SLC25A20: variants seen among roughly 807,000 people sequenced by gnomAD.
SLC25A20 encodes the protein mitochondrial carnitine/acylcarnitine carrier protein.
A neutral mutation model predicts 39.7 loss-of-function variants in SLC25A20; 29 were observed. The observed-to-expected ratio is 0.73, with a 90% CI of 0.54 to 1.00. The LOEUF is 1.00. SLC25A20 is among the 50% of genes least tolerant of loss of function. The pLI, the probability that SLC25A20 is intolerant of heterozygous loss-of-function variation, is 0.00. For synonymous variants in SLC25A20, 103 were observed against 142.2 expected (o/e 0.72, Z 1.96); for missense variants, 333 against 379.9 (o/e 0.88, Z 1.03).
chr3:48,888,604 A>G (rs1351296593), intron 2 of SLC25A20, among the ~76,000 whole-genome samples: 3 of 151,122 alleles, frequency 2.0e-5, no homozygotes, highest in South Asian at 2.1e-4. Context: ...TAAATAAATA[A>G]ATAAATAAAT....
chr3:48,859,095 T>C lies in SLC25A20; in HGVS notation c.715A>G (p.Thr239Ala), dbSNP rs143961330. 8.7e-6 allele frequency: 14 copies of C among 1,612,774 alleles called. No individual in the cohort carries two copies. Among genetic ancestry groups the C allele is most frequent in the Non-Finnish European group, 1.2e-5 (14 of 1,179,088 alleles). Residue 239 changes from threonine (T) to alanine (A), a missense_variant, in exon 7 of 9, where the codon ACT becomes GCT. Transcript: ENST00000319017. Reference protein sequence around the residue: ...PPDVLKSRFQTAPPGKYPNGF... With the variant: ...PPDVLKSRFQAAPPGKYPNGF... ...CACCCCACTACCTTCCACTCACCAG[T>C]CTGGAATCGAGACTTGAGCACATCT...
At chr3:48,894,296 T>G (rs2083898146) in intron 1 of SLC25A20, among the ~76,000 whole-genome samples, 1 of 149,190 alleles carries the variant, frequency 6.7e-6, no homozygotes. Flanking sequence ...GGCAGAGTCT[T>G]GCTCTGTCAC....
chr3:48,893,852 GAAAAAAAAAAAA>G (rs978467478), intron 1 of SLC25A20, among the ~76,000 whole-genome samples: 2 of 69,108 alleles, frequency 2.9e-5, no homozygotes, highest in Admixed American at 1.8e-4. Flanking sequence ...CTTTAAAAAA[GAAAAAAAAAAAA>G]AAAAAAAAAA....
At chr3:48,891,263 CG>C (rs1264015892) in intron 2 of SLC25A20, among the ~76,000 whole-genome samples, 1 of 152,052 alleles carries the variant, frequency 6.6e-6, no homozygotes, top group African/African-American at 2.4e-5. Context: ...TTAGTAGAGA[CG>C]GGGTTTCATG....
In SLC25A20 at chr3:48,861,055, C is replaced by G. The variant is rs1398458424; in HGVS notation, c.536-1428G>C. On this transcript the variant is annotated intron_variant, in intron 5 of 8. Coordinates refer to ENST00000319017, the MANE Select transcript of SLC25A20 (RefSeq NM_000387.6). ...TATTGGTCAGGCTGGTCTTGAACTC[C>G]TGACCTCGTGATCCGCCCGCCTCGG... Among the ~76,000 whole-genome samples the G allele has an allele frequency of 8.6e-5, 13 of 151,936 alleles. No homozygotes were observed. The South Asian group carries it at 2.7e-3, about 32-fold the overall frequency.
intron 4 of SLC25A20, among the ~76,000 whole-genome samples, chr3:48,870,041 G>A (rs983827460): frequency 1.3e-5 from 2 of 152,012 alleles, no homozygotes; most frequent in Admixed American, 1.3e-4. Context: ...GCTTGAGCCT[G>A]GGAGATCAAG....
chr3:48,864,381 C>T (rs1334537605), intron 4 of SLC25A20, among the ~76,000 whole-genome samples: 2 of 69,520 alleles, frequency 2.9e-5, no homozygotes, highest in East Asian at 8.9e-4. Context: ...AAAAAAGCAA[C>T]AAATATGTGA....
At chr3:48,886,300 G>A (rs1342203993) in intron 2 of SLC25A20, among the ~76,000 whole-genome samples, 2 of 152,096 alleles carry the variant, frequency 1.3e-5, no homozygotes, top group East Asian at 1.9e-4. Flanking sequence ...CAAGGCGGGC[G>A]GATCACCTGA....
Position 48,857,744 on chromosome 3 carries a change from A to G in SLC25A20, c.872T>C (p.Met291Thr), listed in dbSNP as rs771258322. The change falls in exon 9 of 9, where the codon ATG becomes ACG. Residue 291 changes from methionine to threonine, a missense_variant. By Grantham distance (81) the Met-to-Thr change is moderately conservative. Coordinates refer to ENST00000319017, the MANE Select transcript of SLC25A20 (RefSeq NM_000387.6). ...GGGGGTGGCCCAATTAAGGAACTTC[A>G]TGGCAACTTCAAAGCCAAGGAAACA... is the stretch of plus-strand genomic sequence containing the variant. ...AACFLGFEVA[M>T]KFLNWATPNL 5.0e-6 allele frequency: 8 copies of G among 1,613,824 alleles called. No individual in the cohort carries two copies.
intron 2 of SLC25A20, among the ~76,000 whole-genome samples, chr3:48,887,763 A>G (rs2083840074): frequency 6.6e-6 from 1 of 152,126 alleles, no homozygotes; most frequent in Admixed American, 6.6e-5. Context: ...TTAGTCGGGC[A>G]TGGTGGCAGA....
At chr3:48,877,181 G>C (rs746954306) in intron 4 of SLC25A20, among the ~76,000 whole-genome samples, 2 of 151,922 alleles carry the variant, frequency 1.3e-5, no homozygotes, top group Non-Finnish European at 2.9e-5. Flanking sequence ...TTGGGAGGCT[G>C]AGTCAGGCGG....
rs185450817 is a variant in SLC25A20, at chr3:48,857,434, C to T, written c.*276G>A. The T allele has an allele frequency of 8.8e-5, 40 of 453,534 alleles. No homozygotes were observed. In the Admixed American group the frequency reaches 1.1e-3, roughly 12 times the overall value. The allele number at this position is 453,534 out of a possible 1,614,324, so 28.1% of individuals were successfully genotyped here. On this transcript the variant is annotated 3_prime_UTR_variant, in exon 9 of 9. Coordinates refer to ENST00000319017, the MANE Select transcript of SLC25A20 (RefSeq NM_000387.6). ...TAACTGGTAGGCAGCATTCTTGCCA[C>T]AGGTAGTATCTGGTCTGGAAGCTAC...
At chr3:48,865,134 AT>A (rs398105855) in intron 4 of SLC25A20, among the ~76,000 whole-genome samples, 108 of 148,626 alleles carry the variant, frequency 7.3e-4, no homozygotes, top group Middle Eastern at 6.9e-3. Context: ...TGGAGATATA[AT>A]TTTTTTTTTT....
rs1037324521 is a variant in SLC25A20, at chr3:48,857,720, G to A, written c.896C>T (p.Pro299Leu). 1.2e-6 allele frequency: 2 copies of A among 1,613,878 alleles called. No individual in the cohort carries two copies. The highest frequency in any genetic ancestry group is 3.3e-5 in the Admixed American group (2 of 59,960). Residue 299 changes from proline to leucine, a missense_variant, in exon 9 of 9, where the codon CCC becomes CTC. By Grantham distance (98) the Pro-to-Leu change is moderately conservative. Transcript: ENST00000319017. ...VAMKFLNWAT[P>L]NL ...GAGCAGCCTTCAGCCTCACAAGTTGGGGGTGGCCCAATTAAGGAACTTCAT... is the reference window on the plus strand; with the variant it reads ...GAGCAGCCTTCAGCCTCACAAGTTGAGGGTGGCCCAATTAAGGAACTTCAT...
chr3:48,879,489 AACC>A (rs1480847312), intron 3 of SLC25A20, 41 bp from the exon 4 acceptor site: 1 of 1,389,454 alleles, frequency 7.2e-7, no homozygotes, highest in Admixed American at 1.7e-5. Context: ...ACCTGTGACT[AACC>A]ACCGAGGACA....
At position 48,898,852 on chromosome 3, in the gene SLC25A20, C is replaced by T; in HGVS notation, c.-58G>A. On this transcript the variant is annotated 5_prime_UTR_variant, in exon 1 of 9. Coordinates refer to ENST00000319017, the MANE Select transcript of SLC25A20 (RefSeq NM_000387.6). ...CTCGGGCCGTCCTGGCTTCTCAGCC[C>T]CAGCTGCAGTGCCGGCGCCGCCGAC... 4 of 1,500,080 alleles carry T rather than the reference C, an allele frequency of 2.7e-6. No homozygotes were observed. The highest frequency in any genetic ancestry group is 3.6e-6 in the Non-Finnish European group (4 of 1,100,960). The allele number at this position is 1,500,080 out of a possible 1,614,324, so 92.9% of individuals were successfully genotyped here. A position where few individuals can be genotyped will look rare whatever the true frequency, so the allele number is the denominator to read the frequency against.
In SLC25A20 at chr3:48,879,376, C is replaced by A. The variant is rs768931116; in HGVS notation, c.399G>T (p.Arg133=). 1.2e-6 allele frequency: 2 copies of A among 1,612,940 alleles called. No homozygotes were observed. Among genetic ancestry groups the A allele is most frequent in the South Asian group, 1.1e-5 (1 of 91,058 alleles). The change falls in exon 4 of 9, where the codon CGG becomes CGT. Residue 133 remains arginine, a synonymous_variant. Coordinates refer to ENST00000319017, the MANE Select transcript of SLC25A20 (RefSeq NM_000387.6). ...ACCTTACCTGTAATAAGCACTTGAT[C>A]CGTTCTCCAGGAGTCATGATTCCTG... ...FTTGIMTPGE[R]IKCLLQIQAS... is the part of the protein sequence containing the mutation.
intron 2 of SLC25A20, among the ~76,000 whole-genome samples, chr3:48,887,646 G>GT (rs2083839334): frequency 1.3e-5 from 2 of 152,248 alleles, no homozygotes; most frequent in Admixed American, 1.3e-4. Flanking sequence ...GCTCACGCCT[G>GT]TAATTCCAGC....
intron 5 of SLC25A20, among the ~76,000 whole-genome samples, chr3:48,861,079 G>A (rs1173103406): frequency 2.0e-5 from 3 of 151,626 alleles, no homozygotes; most frequent in East Asian, 2.0e-4. Flanking sequence ...CGCCCGCCTC[G>A]GCCTCCCAAA....
Sources: gnomAD v4.1 joint callset for allele counts (sites outside exome capture counted in the v4.1 genomes callset) on GRCh38, gnomAD v4.1.1 for gene constraint, MANE v1.5 for transcripts, NCBI Gene and HGNC (gene_info 2026-07-23, HGNC 2026-07-21) for gene names.